Variants in SLC8A1 observed in about 807,000 individuals in gnomAD.
SLC8A1 encodes the protein sodium/calcium exchanger 1.
SLC8A1 carries 18 observed loss-of-function variants against 68.3 expected under a neutral mutation model. The ratio of observed to expected loss-of-function variants is 0.26; its 90% CI spans 0.18 to 0.39. SLC8A1 has a LOEUF of 0.39. Ranked by LOEUF, SLC8A1 falls within the 10% of genes least tolerant of loss-of-function variation. SLC8A1 has a pLI of 1.00. For missense variants in SLC8A1, 985 were observed against 1,156.7 expected (o/e 0.85, Z 2.15); for synonymous variants, 475 against 415.5 (o/e 1.14, Z -1.74).
At chr2:40,334,174 C>T (rs62150834) in intron 2 of SLC8A1, among the ~76,000 whole-genome samples, 6,962 of 152,286 alleles carry the variant, frequency 0.046, 202 homozygotes, top group African/African-American at 0.082. Context: ...TAGAGACTAT[C>T]CACCTGCCTT....
intron 3 of SLC8A1, among the ~76,000 whole-genome samples, chr2:40,176,729 C>G (rs891223916): frequency 1.3e-5 from 2 of 152,146 alleles, no homozygotes; most frequent in African/African-American, 2.4e-5. Flanking sequence ...ATTTTTCCCT[C>G]TACTTGTAAA....
At chr2:40,411,273 T>C (rs1278992841) in intron 2 of SLC8A1, among the ~76,000 whole-genome samples, 1 of 152,068 alleles carries the variant, frequency 6.6e-6, no homozygotes, top group East Asian at 1.9e-4. Flanking sequence ...CATAACACTT[T>C]GCACACAGCA....
chr2:40,354,832 G>T (rs894000217), intron 2 of SLC8A1, among the ~76,000 whole-genome samples: 3 of 152,112 alleles, frequency 2.0e-5, no homozygotes, highest in Non-Finnish European at 4.4e-5. Context: ...AAGTGGCAGT[G>T]TTTATTTTTT....
chr2:40,444,240 G>A (rs1191811268), intron 1 of SLC8A1, among the ~76,000 whole-genome samples: 3 of 152,150 alleles, frequency 2.0e-5, no homozygotes, highest in Non-Finnish European at 2.9e-5. Context: ...TCAGGAGGCT[G>A]AGCCAGGAGG....
At chr2:40,220,455 T>G (rs987264711) in intron 2 of SLC8A1, 5 of 152,190 alleles carry the variant, frequency 3.3e-5, no homozygotes, top group African/African-American at 1.2e-4. Flanking sequence ...GGTCCTAAAT[T>G]GAGCGGCCTT....
intron 2 of SLC8A1, among the ~76,000 whole-genome samples, chr2:40,357,636 C>G (rs970504252): frequency 6.6e-6 from 1 of 151,840 alleles, no homozygotes; most frequent in Non-Finnish European, 1.5e-5. Flanking sequence ...GTGTAACAAA[C>G]CTATGTAACA....
intron 2 of SLC8A1, among the ~76,000 whole-genome samples, chr2:40,394,444 TGTGTGTGTGTGC>T (rs745612204): frequency 3.8e-4 from 58 of 151,766 alleles, no homozygotes; most frequent in Non-Finnish European, 6.6e-4. Context: ...TTTCTGTTAG[TGTGTGTGTGTGC>T]GTGTGTGTGT....
intron 6 of SLC8A1, among the ~76,000 whole-genome samples, chr2:40,154,396 C>T (rs9653516): frequency 0.16 from 22,634 of 145,022 alleles, 1,958 homozygotes; most frequent in African/African-American, 0.2. Flanking sequence ...CTCTGCCTCC[C>T]GGGTTCATGG....
At chr2:40,357,836 A>G (rs1180571507) in intron 2 of SLC8A1, among the ~76,000 whole-genome samples, 1 of 152,080 alleles carries the variant, frequency 6.6e-6, no homozygotes, top group East Asian at 1.9e-4. Flanking sequence ...AGTACAGTTG[A>G]TGGCTTCTCT....
At chr2:40,214,224 G>A (rs570710926) in intron 2 of SLC8A1, among the ~76,000 whole-genome samples, 1 of 152,198 alleles carries the variant, frequency 6.6e-6, no homozygotes, top group South Asian at 2.1e-4. Context: ...AGGAATTATA[G>A]CCTCTTCAGC....
At chr2:40,482,863 T>C (rs1240730733) in intron 1 of SLC8A1, among the ~76,000 whole-genome samples, 1 of 148,920 alleles carries the variant, frequency 6.7e-6, no homozygotes, top group Non-Finnish European at 1.5e-5. Flanking sequence ...CGATCTCGGC[T>C]CACTGCAAGC....
chr2:40,482,566 A>G (rs565039833), intron 1 of SLC8A1, among the ~76,000 whole-genome samples: 2 of 151,992 alleles, frequency 1.3e-5, no homozygotes, highest in East Asian at 1.9e-4. Flanking sequence ...TATTATTTCT[A>G]TTTTATGGGA....
rs147942302 is a variant in SLC8A1 at position 40,505,727 on chromosome 2, A to T, written c.-25+6622T>A. Among the ~76,000 whole-genome samples, 24 of 152,104 alleles carry T rather than the reference A, an allele frequency of 1.6e-4. No homozygotes were observed. The East Asian group carries it at 3.9e-3, about 24-fold the overall frequency. ...TCAGAAGACTTATCTGTACTTTTAG[A>T]ATCACTATGCATACATATTTGGAGT... is the stretch of plus-strand genomic sequence containing the variant. On this transcript the variant is annotated intron_variant, in intron 1 of 7. Coordinates refer to the SLC8A1 transcript ENST00000402441.
intron 2 of SLC8A1, among the ~76,000 whole-genome samples, chr2:40,314,127 A>G (rs2074119883): frequency 6.6e-6 from 1 of 152,092 alleles, no homozygotes; most frequent in African/African-American, 2.4e-5. Flanking sequence ...TGAAAAAAAT[A>G]TAATTGAGGT....
intron 2 of SLC8A1, among the ~76,000 whole-genome samples, chr2:40,201,909 A>C (rs562708554): frequency 1.3e-5 from 2 of 152,068 alleles, no homozygotes; most frequent in East Asian, 3.9e-4. Context: ...GCTGGCTTAC[A>C]ACCTACATAT....
chr2:40,208,024 T>G (rs913772895), intron 2 of SLC8A1, among the ~76,000 whole-genome samples: 2 of 152,240 alleles, frequency 1.3e-5, no homozygotes, highest in Middle Eastern at 6.8e-3. Context: ...CTTCCTCTCT[T>G]CTTGTAAACC....
chr2:40,397,596 TC>T (rs967452601), intron 2 of SLC8A1, among the ~76,000 whole-genome samples: 6 of 152,176 alleles, frequency 3.9e-5, no homozygotes, highest in Non-Finnish European at 7.3e-5. Context: ...GCCTGACCGT[TC>T]CAGATCAGTC....
At chr2:40,174,195 A>G (rs2048052258) in intron 4 of SLC8A1, among the ~76,000 whole-genome samples, 1 of 152,154 alleles carries the variant, frequency 6.6e-6, no homozygotes, top group African/African-American at 2.4e-5. Flanking sequence ...TCAACATGAT[A>G]TTATATTATG....
intron 2 of SLC8A1, among the ~76,000 whole-genome samples, chr2:40,229,983 G>T (rs931533415): frequency 1.3e-5 from 2 of 152,082 alleles, no homozygotes; most frequent in African/African-American, 2.4e-5. Context: ...AAATCTTAGA[G>T]ATCAACTAAA....
Sources: gnomAD v4.1 joint callset for allele counts (sites outside exome capture counted in the v4.1 genomes callset) on GRCh38, gnomAD v4.1.1 for gene constraint, MANE v1.5 for transcripts, NCBI Gene and HGNC (gene_info 2026-07-23, HGNC 2026-07-21) for gene names.